The following CHODL variants were observed in gnomAD, a reference collection of about 807,000 sequenced individuals.
The protein encoded by CHODL is transmembrane protein MT75.
A neutral mutation model predicts 34.5 loss-of-function variants in CHODL; 29 were observed. That is an observed-to-expected ratio of 0.84 (90% CI 0.63 to 1.15). The LOEUF is 1.15. Among genes scored for constraint, CHODL ranks in the 50% most tolerant of loss-of-function variants. CHODL has a pLI of 0.00. For synonymous variants in CHODL, 125 were observed against 116.1 expected (o/e 1.08, Z -0.49); for missense variants, 332 against 332.5 (o/e 1.00, Z 0.01).
intron 1 of CHODL, among the ~76,000 whole-genome samples, chr21:17,985,696 C>T (rs988915889): frequency 6.6e-6 from 1 of 152,196 alleles, no homozygotes. Context: ...TACATTCCAC[C>T]ATTACGGGTC....
chr21:17,986,345 T>C (rs2146381838), intron 1 of CHODL, among the ~76,000 whole-genome samples: 1 of 151,790 alleles, frequency 6.6e-6, no homozygotes, highest in Admixed American at 6.6e-5. Flanking sequence ...CCCTGGTGTG[T>C]GATGTTCCCC....
At chr21:18,049,557 A>G (rs964560803) in intron 2 of CHODL, among the ~76,000 whole-genome samples, 1 of 151,956 alleles carries the variant, frequency 6.6e-6, no homozygotes, top group Non-Finnish European at 1.5e-5. Flanking sequence ...AAACAACAGA[A>G]ATTTATCTTC....
chr21:17,968,793 T>C (rs1293811909), intron 1 of CHODL, among the ~76,000 whole-genome samples: 1 of 152,196 alleles, frequency 6.6e-6, no homozygotes, highest in Non-Finnish European at 1.5e-5. Flanking sequence ...GAAGAATCTT[T>C]ATTTTATTCT....
chr21:18,002,313 A>C (rs1372374361), intron 1 of CHODL, among the ~76,000 whole-genome samples: 3 of 152,192 alleles, frequency 2.0e-5, no homozygotes, highest in African/African-American at 7.2e-5. Flanking sequence ...CCAGTGTAGA[A>C]ATGATTCCTA....
At position 18,053,991 on chromosome 21, in the gene CHODL, C is replaced by T. The variant is rs556269436; in HGVS notation, c.-45+26020C>T. Among the ~76,000 whole-genome samples the T allele has an allele frequency of 2.6e-5, 4 of 151,686 alleles. No homozygotes were observed. The East Asian group carries it at 7.8e-4, about 29-fold the overall frequency. ...ATCACACCTTATATGACATATATGA[C>T]ATGTATATATATCACATGTGAGAGT... On this transcript the variant is annotated intron_variant, in intron 2 of 6. Coordinates refer to the CHODL transcript ENST00000400127.
At chr21:18,231,859 A>G (rs1184656952) in intron 2 of CHODL, among the ~76,000 whole-genome samples, 1 of 150,148 alleles carries the variant, frequency 6.7e-6, no homozygotes, top group Non-Finnish European at 1.5e-5. Flanking sequence ...AATGGGGATA[A>G]CTGTCTTGGT....
At chr21:18,257,292 C>T (rs916563177) in intron 3 of CHODL, among the ~76,000 whole-genome samples, 165 bp downstream of exon 3, 1 of 152,024 alleles carries the variant, frequency 6.6e-6, no homozygotes, top group African/African-American at 2.4e-5. Flanking sequence ...ATATCATATG[C>T]TGTAGAGCAA....
intron 2 of CHODL, among the ~76,000 whole-genome samples, chr21:18,086,399 T>G (rs1196184080): frequency 6.6e-6 from 1 of 152,182 alleles, no homozygotes; most frequent in Non-Finnish European, 1.5e-5. Flanking sequence ...ATCATTGTAG[T>G]CCTTTGGTAG....
At chr21:18,216,026 A>G (rs1470068126) in intron 2 of CHODL, among the ~76,000 whole-genome samples, 3 of 151,374 alleles carry the variant, frequency 2.0e-5, no homozygotes, top group African/African-American at 4.9e-5. Flanking sequence ...TTTTTTTGCA[A>G]TGCTAAGATA....
At chr21:18,222,283 C>T (rs2073891861) in intron 2 of CHODL, among the ~76,000 whole-genome samples, 1 of 152,174 alleles carries the variant, frequency 6.6e-6, no homozygotes, top group East Asian at 1.9e-4. Flanking sequence ...GGTGTGGTTG[C>T]AATCCTGAGG....
chr21:18,230,438 A>C (rs2073968679), intron 2 of CHODL, among the ~76,000 whole-genome samples: 1 of 152,148 alleles, frequency 6.6e-6, no homozygotes, highest in Non-Finnish European at 1.5e-5. Flanking sequence ...TTTTAAATTA[A>C]ATATTCTTAC....
chr21:18,191,559 G>A (rs766651330), intron 2 of CHODL, among the ~76,000 whole-genome samples: 6 of 152,126 alleles, frequency 3.9e-5, no homozygotes, highest in Admixed American at 2.0e-4. Flanking sequence ...ATGTTGCTGC[G>A]TATCTTTTTG....
intron 2 of CHODL, among the ~76,000 whole-genome samples, chr21:18,194,959 G>A (rs1008767190): frequency 3.3e-5 from 5 of 151,646 alleles, no homozygotes; most frequent in Non-Finnish European, 7.4e-5. Context: ...ATTTTCTGTG[G>A]GGAGAAAACC....
At chr21:18,237,436 G>A (rs890484413) in intron 2 of CHODL, among the ~76,000 whole-genome samples, 15 of 152,072 alleles carry the variant, frequency 9.9e-5, no homozygotes, top group African/African-American at 3.4e-4. Flanking sequence ...CTCCCCCTTT[G>A]CAAGCCTGAC....
intron 1 of CHODL, among the ~76,000 whole-genome samples, chr21:17,919,236 G>T (rs2063165190): frequency 6.6e-6 from 1 of 152,206 alleles, no homozygotes; most frequent in African/African-American, 2.4e-5. Context: ...CTCTGTGTTG[G>T]AGCTCTGACC....
At chr21:18,091,404 G>T (rs138097043) in intron 2 of CHODL, among the ~76,000 whole-genome samples, 8 of 152,178 alleles carry the variant, frequency 5.3e-5, no homozygotes, top group African/African-American at 1.9e-4. Flanking sequence ...GGCTTGCACC[G>T]TCTTTCCCTC....
At chr21:18,035,252 A>G (rs2064295795) in intron 2 of CHODL, among the ~76,000 whole-genome samples, 1 of 151,998 alleles carries the variant, frequency 6.6e-6, no homozygotes, top group Non-Finnish European at 1.5e-5. Flanking sequence ...TGGGTATAGA[A>G]CACCAGGTTG....
intron 2 of CHODL, among the ~76,000 whole-genome samples, chr21:18,170,442 CTTTAATT>C (rs2073213456): frequency 6.6e-6 from 1 of 152,056 alleles, no homozygotes; most frequent in African/African-American, 2.4e-5. Flanking sequence ...ACATCTGCCA[CTTTAATT>C]TTTATTTTCT....
intron 2 of CHODL, among the ~76,000 whole-genome samples, chr21:18,067,683 T>A (rs2064747877): frequency 6.6e-6 from 1 of 152,240 alleles, no homozygotes; most frequent in Non-Finnish European, 1.5e-5. Context: ...GAACCAATAC[T>A]TGCCTTAGTT....
Sources: gnomAD v4.1 joint callset for allele counts (sites outside exome capture counted in the v4.1 genomes callset) on GRCh38, gnomAD v4.1.1 for gene constraint, MANE v1.5 for transcripts, NCBI Gene and HGNC (gene_info 2026-07-23, HGNC 2026-07-21) for gene names.